Variants in TAB2 observed in about 807,000 individuals in gnomAD.
TAB2 encodes TGF-beta activated kinase 1 (MAP3K7) binding protein 2.
Under a neutral mutation model 65.0 loss-of-function variants are expected in TAB2, and 3 were observed. That is an observed-to-expected ratio of 0.05 (90% CI 0.02 to 0.12). TAB2 has a LOEUF of 0.12. Ranked by LOEUF, TAB2 falls within the 10% of genes least tolerant of loss-of-function variation. The pLI is 1.00. For missense variants in TAB2, 623 were observed against 840.3 expected (o/e 0.74, Z 3.20); for synonymous variants, 298 against 285.1 (o/e 1.05, Z -0.46).
chr6:149,276,868 A>G (rs774609933), intron 1 of TAB2, among the ~76,000 whole-genome samples: 9 of 152,220 alleles, frequency 5.9e-5, no homozygotes, highest in Non-Finnish European at 1.2e-4. Flanking sequence ...CCCCACCCAA[A>G]TATCATCTTG....
intron 3 of TAB2, among the ~76,000 whole-genome samples, chr6:149,381,545 G>A (rs891451224): frequency 1.4e-5 from 2 of 145,152 alleles, no homozygotes; most frequent in African/African-American, 5.1e-5. Flanking sequence ...TCTTAAACTT[G>A]CTATCTTCAA....
chr6:149,248,533 T>C (rs939091232), intron 1 of TAB2, among the ~76,000 whole-genome samples: 1 of 152,054 alleles, frequency 6.6e-6, no homozygotes, highest in African/African-American at 2.4e-5. Flanking sequence ...TCTACACATT[T>C]AGAGTTCAGT....
chr6:149,249,494 C>T (rs1381660847), intron 1 of TAB2, among the ~76,000 whole-genome samples: 1 of 151,822 alleles, frequency 6.6e-6, no homozygotes, highest in African/African-American at 2.4e-5. Context: ...CTCTCTGTCT[C>T]TTTCTCTCTA....
rs1379493718 is a variant in TAB2, at chr6:149,379,082, T to C, written c.1167T>C (p.Ile389=). 1.9e-6 allele frequency: 3 copies of C among 1,614,074 alleles called. No individual in the cohort carries two copies. Among genetic ancestry groups the C allele is most frequent in the Non-Finnish European group, 2.5e-6 (3 of 1,180,050 alleles). Reference sequence around the variant, plus strand: ...CCCGTAGTCAACCTAAGGTCTATATTTCAGCGAATGCTGCCACAGGAGATG... The same window carrying C: ...CCCGTAGTCAACCTAAGGTCTATATCTCAGCGAATGCTGCCACAGGAGATG... The part of the protein sequence containing the change: ...LMSRSQPKVY[I]SANAATGDEQ... Residue 389 remains isoleucine, a synonymous_variant, in exon 3 of 7, where the codon ATT becomes ATC. Coordinates refer to ENST00000637181, the MANE Select transcript of TAB2 (RefSeq NM_001292034.3).
intron 6 of TAB2, chr6:149,400,947 C>T: frequency 4.7e-6 from 2 of 422,554 alleles, no homozygotes; most frequent in Non-Finnish European, 8.6e-6. Context: ...GGAAAAAATA[C>T]TGATTCTGTG....
chr6:149,356,809 C>A (rs1420818185), intron 1 of TAB2, among the ~76,000 whole-genome samples: 1 of 152,156 alleles, frequency 6.6e-6, no homozygotes, highest in Non-Finnish European at 1.5e-5. Flanking sequence ...AGTATTCACT[C>A]TTGTAGTGTG....
intron 6 of TAB2, among the ~76,000 whole-genome samples, chr6:149,407,260 G>A (rs1228041192): frequency 6.7e-6 from 1 of 148,884 alleles, no homozygotes; most frequent in African/African-American, 2.6e-5. Context: ...TTCAGACACT[G>A]AATGATTTTC....
At chr6:149,407,562 C>T (rs1782707461) in intron 6 of TAB2, among the ~76,000 whole-genome samples, 2 of 152,188 alleles carry the variant, frequency 1.3e-5, no homozygotes, top group African/African-American at 2.4e-5. Flanking sequence ...TGTATGCTGG[C>T]TGTTTTGGGA....
chr6:149,387,318 C>A (rs1468049738), intron 3 of TAB2, among the ~76,000 whole-genome samples: 6 of 152,186 alleles, frequency 3.9e-5, no homozygotes, highest in Non-Finnish European at 8.8e-5. Context: ...CAACTTCATT[C>A]TTTTGCATGT....
intron 1 of TAB2, among the ~76,000 whole-genome samples, chr6:149,368,698 T>A (rs1330048600): frequency 6.6e-6 from 1 of 151,122 alleles, no homozygotes; most frequent in Non-Finnish European, 1.5e-5. Context: ...GAAATACTTT[T>A]GGAAAATCTA....
chr6:149,342,451 GTTGCTGGAACTGAGA>G (rs1780159631), intron 1 of TAB2, among the ~76,000 whole-genome samples: 1 of 152,194 alleles, frequency 6.6e-6, no homozygotes, highest in African/African-American at 2.4e-5. Context: ...ACTGTTTTGA[GTTGCTGGAACTGAGA>G]TTCCAGAATA....
At chr6:149,353,306 C>T (rs73779313) in intron 1 of TAB2, among the ~76,000 whole-genome samples, 3,347 of 152,258 alleles carry the variant, frequency 0.022, 119 homozygotes, top group African/African-American at 0.077. Context: ...TTACTTCTCT[C>T]TTTTACTAGG....
At chr6:149,377,941 T>C (rs962572348) in intron 2 of TAB2, 77 bp from the exon 3 acceptor site, 8 of 1,077,334 alleles carry the variant, frequency 7.4e-6, no homozygotes, top group Non-Finnish European at 1.1e-5. Flanking sequence ...CACTTGGTAA[T>C]CATGTATTTG....
chr6:149,281,762 G>A (rs1425075486), intron 1 of TAB2, among the ~76,000 whole-genome samples: 1 of 151,804 alleles, frequency 6.6e-6, no homozygotes, highest in African/African-American at 2.4e-5. Context: ...AGGAATATTG[G>A]TGATTAATAA....
chr6:149,261,183 G>T (rs961732497), intron 1 of TAB2, among the ~76,000 whole-genome samples: 4 of 152,252 alleles, frequency 2.6e-5, no homozygotes, highest in African/African-American at 9.6e-5. Flanking sequence ...AGAAATTTAA[G>T]ATTTTTTGCT....
intron 1 of TAB2, among the ~76,000 whole-genome samples, chr6:149,343,523 A>G (rs1276617087): frequency 6.6e-6 from 1 of 152,176 alleles, no homozygotes. Flanking sequence ...AATTAGACAT[A>G]TTATTTCTGG....
intron 2 of TAB2, among the ~76,000 whole-genome samples, chr6:149,377,215 C>T (rs552709882): frequency 2.6e-5 from 4 of 151,770 alleles, no homozygotes; most frequent in East Asian, 3.9e-4. Flanking sequence ...GGACTACAGG[C>T]GCCCGCCACC....
chr6:149,238,742 G>T (rs923113500), intron 1 of TAB2, among the ~76,000 whole-genome samples: 1 of 152,214 alleles, frequency 6.6e-6, no homozygotes, highest in African/African-American at 2.4e-5. Context: ...GTCTGAGGCT[G>T]CTCGGGGCAT....
chr6:149,284,581 T>C (rs1778635012), intron 1 of TAB2, among the ~76,000 whole-genome samples: 1 of 151,744 alleles, frequency 6.6e-6, no homozygotes, highest in Non-Finnish European at 1.5e-5. Flanking sequence ...AGGTCGCATC[T>C]AATAAAAAAT....
Sources: gnomAD v4.1 joint callset for allele counts (sites outside exome capture counted in the v4.1 genomes callset) on GRCh38, gnomAD v4.1.1 for gene constraint, MANE v1.5 for transcripts, NCBI Gene and HGNC (gene_info 2026-07-23, HGNC 2026-07-21) for gene names.